The following OLFM2 variants were observed in gnomAD, a reference collection of about 807,000 sequenced individuals.
The protein encoded by OLFM2 is noelin-2.
Under a neutral mutation model 43.9 loss-of-function variants are expected in OLFM2, and 20 were observed. That is an observed-to-expected ratio of 0.46 (90% CI 0.32 to 0.66). The LOEUF is 0.66. Among genes scored for constraint, OLFM2 ranks in the 30% least tolerant of loss-of-function variants. The pLI is 0.04. For synonymous variants in OLFM2, 268 were observed against 278.6 expected, an observed-to-expected ratio of 0.96 and a Z score of 0.38; for missense variants, 416 against 643.6, an observed-to-expected ratio of 0.65 and a Z score of 3.83.
intron 1 of OLFM2, among the ~76,000 whole-genome samples, chr19:9,864,521 G>A (rs919547938): frequency 3.3e-5 from 5 of 152,096 alleles, no homozygotes; most frequent in Non-Finnish European, 5.9e-5. Flanking sequence ...GGCTGGTCTC[G>A]AACTCCTGGC....
intron 1 of OLFM2, among the ~76,000 whole-genome samples, chr19:9,899,790 C>T (rs2046715398): frequency 6.6e-6 from 1 of 151,946 alleles, no homozygotes; most frequent in Admixed American, 6.6e-5. Flanking sequence ...TGGGACCAAG[C>T]AATCCTCCCA....
intron 1 of OLFM2, among the ~76,000 whole-genome samples, chr19:9,927,376 T>C (rs1345080542): frequency 6.6e-6 from 1 of 152,132 alleles, no homozygotes; most frequent in African/African-American, 2.4e-5. Context: ...CTTTTCAAGC[T>C]CACTTCCCTT....
At chr19:9,898,071 ATTT>A (rs35231898) in intron 1 of OLFM2, among the ~76,000 whole-genome samples, 1 of 127,864 alleles carries the variant, frequency 7.8e-6, no homozygotes, top group Non-Finnish European at 1.6e-5. Flanking sequence ...TGCCCAGCTA[ATTT>A]TTTTTTTTTT....
At chr19:9,912,018 C>T (rs992344742) in intron 1 of OLFM2, among the ~76,000 whole-genome samples, 2 of 152,070 alleles carry the variant, frequency 1.3e-5, no homozygotes, top group Admixed American at 1.3e-4. Context: ...AGGGACACAC[C>T]CACACTCATT....
chr19:9,933,456 T>C (rs953220980), intron 1 of OLFM2, among the ~76,000 whole-genome samples: 2 of 151,822 alleles, frequency 1.3e-5, no homozygotes, highest in Non-Finnish European at 2.9e-5. Flanking sequence ...CGGGCTGGTC[T>C]CAAACTCCTG....
chr19:9,897,710 GCAGAAGCAAGAAGT>G (rs1315951418), intron 1 of OLFM2, among the ~76,000 whole-genome samples: 1 of 152,044 alleles, frequency 6.6e-6, no homozygotes, highest in African/African-American at 2.4e-5. Flanking sequence ...TAATAATTCA[GCAGAAGCAAGAAGT>G]CAGAAGCACA....
intron 1 of OLFM2, 64 bp from the exon 2 acceptor site, chr19:9,860,858 A>G: frequency 6.6e-7 from 1 of 1,510,152 alleles, no homozygotes; most frequent in South Asian, 1.2e-5. Context: ...CCTCACTGGG[A>G]CAGGAAGGGG....
chr19:9,891,237 C>T (rs1182512864), intron 1 of OLFM2, among the ~76,000 whole-genome samples: 1 of 150,442 alleles, frequency 6.6e-6, no homozygotes, highest in Non-Finnish European at 1.5e-5. Context: ...TCACTTGAAC[C>T]TGGAGGCAGA....
intron 1 of OLFM2, among the ~76,000 whole-genome samples, chr19:9,888,449 G>C (rs948382791): frequency 2.5e-4 from 2 of 7,844 alleles, no homozygotes; most frequent in African/African-American, 4.7e-4. Context: ...GCTTGAGCCT[G>C]GGGGGCGGAG....
At chr19:9,920,155 T>C (rs1199427698) in intron 1 of OLFM2, among the ~76,000 whole-genome samples, 1 of 152,024 alleles carries the variant, frequency 6.6e-6, no homozygotes, top group Admixed American at 6.6e-5. Context: ...GGCATGTCCC[T>C]GTAGTACCAG....
chr19:9,913,685 C>G (rs1216228475), intron 1 of OLFM2: 3 of 1,094,590 alleles, frequency 2.7e-6, no homozygotes, highest in African/African-American at 1.7e-5. Flanking sequence ...GCGGGGCGCT[C>G]GGTCCCTCGA....
chr19:9,901,608 T>TC (rs569926206), intron 1 of OLFM2, among the ~76,000 whole-genome samples: 1 of 152,182 alleles, frequency 6.6e-6, no homozygotes, highest in Non-Finnish European at 1.5e-5. Context: ...CTGAGGGCAC[T>TC]TTTGAGGCCA....
intron 1 of OLFM2, among the ~76,000 whole-genome samples, chr19:9,922,180 G>A (rs1446034049): frequency 1.3e-5 from 2 of 151,744 alleles, no homozygotes; most frequent in Non-Finnish European, 2.9e-5. Flanking sequence ...AAGCTACAGA[G>A]AAGATATTTG....
chr19:9,900,369 C>T (rs868358617), intron 1 of OLFM2, among the ~76,000 whole-genome samples: 3 of 151,994 alleles, frequency 2.0e-5, no homozygotes, highest in Non-Finnish European at 2.9e-5. Context: ...AGGCACACCA[C>T]GGTGGACACA....
rs779057173 is a variant in OLFM2 at position 9,915,231 on chromosome 19, TTCTC to T, written c.63+21069_63+21072del. Among the ~76,000 whole-genome samples the T allele has an allele frequency of 9.1e-4, 117 of 128,734 alleles. 1 individual carries two copies. In the East Asian group the frequency reaches 0.019, roughly 21 times the overall value. 84.5% of individuals were successfully genotyped at this position (128,734 alleles called of 152,430 possible). A position where few individuals can be genotyped will look rare whatever the true frequency, so the allele number is the denominator to read the frequency against. ...TGTGAAATTGAATATTCTTTTTCTT[TTCTC>T]TCTCTTTTTTTTTTTTTTTTGGTAG... On this transcript the variant is annotated intron_variant, in intron 1 of 5. Transcript: ENST00000264833.
chr19:9,863,475 G>A (rs1421699864), intron 1 of OLFM2, among the ~76,000 whole-genome samples: 1 of 152,058 alleles, frequency 6.6e-6, no homozygotes, highest in Non-Finnish European at 1.5e-5. Flanking sequence ...ATGATGGGTG[G>A]TGGCCATAGA....
chr19:9,924,103 CAAAAAAA>C lies in OLFM2; in HGVS notation c.63+12194_63+12200del, dbSNP rs1047796253. ...CAACAGAGCAATAACCTCGTCTCTA[CAAAAAAA>C]AAAAAAAAAAAAAAAAAAGCCCGGG... On this transcript the variant is annotated intron_variant, in intron 1 of 5. Coordinates refer to ENST00000264833, the MANE Select transcript of OLFM2 (RefSeq NM_058164.4). 6.5e-3 allele frequency among the ~76,000 whole-genome samples: 135 copies of C among 20,704 alleles called. 1 individual carries two copies. Among genetic ancestry groups the C allele is most frequent in the Non-Finnish European group, 0.013 (97 of 7,682 alleles). The allele number at this position is 20,704 out of a possible 152,430, so 13.6% of individuals were successfully genotyped here. A position where few individuals can be genotyped will look rare whatever the true frequency, so the allele number is the denominator to read the frequency against.
At chr19:9,892,828 C>T (rs751996303) in intron 1 of OLFM2, among the ~76,000 whole-genome samples, 1 of 152,192 alleles carries the variant, frequency 6.6e-6, no homozygotes, top group African/African-American at 2.4e-5. Flanking sequence ...GAGAGCAAAC[C>T]TGTTCTCCCA....
chr19:9,860,807 G>C lies in OLFM2; in HGVS notation c.64-13C>G, dbSNP rs1266705713. 6 of 1,597,350 alleles carry C rather than the reference G, an allele frequency of 3.8e-6. No homozygotes were observed. The highest frequency in any genetic ancestry group is 5.1e-6 in the Non-Finnish European group (6 of 1,174,806). On this transcript the variant is annotated splice_polypyrimidine_tract_variant and intron_variant, in intron 1 of 5. Transcript: ENST00000264833. ...TCTGGAAGAGAGTCTGCAAAGAGGT[G>C]GGGGTCAGAGACCGGAATCCCAGTG...
Sources: gnomAD v4.1 joint callset for allele counts (sites outside exome capture counted in the v4.1 genomes callset) on GRCh38, gnomAD v4.1.1 for gene constraint, MANE v1.5 for transcripts, NCBI Gene and HGNC (gene_info 2026-07-23, HGNC 2026-07-21) for gene names.